The following PDE3B variants were observed in gnomAD, a reference collection of about 807,000 sequenced individuals.
PDE3B encodes the protein phosphodiesterase 3B.
A neutral mutation model predicts 116.8 loss-of-function variants in PDE3B; 66 were observed. The observed-to-expected ratio is 0.56, with a 90% confidence interval of 0.46 to 0.69. The LOEUF (loss-of-function observed/expected upper bound fraction) is 0.69. PDE3B is among the 30% of genes least tolerant of loss of function. PDE3B has a pLI of 0.00. For synonymous variants in PDE3B, 595 were observed against 533.6 expected, an observed-to-expected ratio of 1.12 and a Z score of -1.59; for missense variants, 1,384 against 1,368.1, an observed-to-expected ratio of 1.01 and a Z score of -0.18.
Position 14,830,766 on chromosome 11 carries a change from G to A in PDE3B, c.1876G>A (p.Glu626Lys), listed in dbSNP as rs1358945230. 1.3e-6 allele frequency: 2 copies of A among 1,542,598 alleles called. No individual in the cohort carries two copies. Among genetic ancestry groups the A allele is most frequent in the African/African-American group, 2.8e-5 (2 of 70,444 alleles). The change falls in exon 8 of 16, where the codon GAG becomes AAG. Residue 626 changes from glutamate to lysine, a missense_variant. Transcript: ENST00000282096. ...LMETQQEEET[E>K]KKDSRKLFQE... The stretch of plus-strand genomic sequence containing the variant: ...GGAAACTCAACAAGAAGAGGAAACA[G>A]AGAAGAAAGACAGCAGAAAATTATT...
At chr11:14,718,013 A>G (rs1231097495) in intron 1 of PDE3B, among the ~76,000 whole-genome samples, 1 of 150,074 alleles carries the variant, frequency 6.7e-6, no homozygotes, top group Non-Finnish European at 1.5e-5. Context: ...AGTGTGCTGT[A>G]TTCAGGAAAC....
Position 14,643,933 on chromosome 11 carries a change from C to A in PDE3B, c.-143C>A. 1 of 1,258,810 alleles carries A rather than the reference C, an allele frequency of 7.9e-7. No homozygotes were observed. Among genetic ancestry groups the A allele is most frequent in the South Asian group, 2.0e-5 (1 of 50,446 alleles). The allele number at this position is 1,258,810 out of a possible 1,614,324, so 78.0% of individuals were successfully genotyped here. On this transcript the variant is annotated 5_prime_UTR_variant, in exon 1 of 16. Transcript: ENST00000282096. ...CTCCTCAGTCCGCGCGGTGGGGACC[C>A]CGGGCCGTGGCGGCCGGCGCAGCCC...
intron 5 of PDE3B, among the ~76,000 whole-genome samples, chr11:14,811,075 G>T (rs1442300564): frequency 2.0e-5 from 3 of 152,152 alleles, no homozygotes; most frequent in African/African-American, 4.8e-5. Flanking sequence ...TTAGCCCTTT[G>T]TCAGATGAGT....
At chr11:14,723,686 A>G (rs1195052581) in intron 1 of PDE3B, among the ~76,000 whole-genome samples, 1 of 152,030 alleles carries the variant, frequency 6.6e-6, no homozygotes, top group Non-Finnish European at 1.5e-5. Context: ...GTTTGGGCCC[A>G]GGAGTTTAAG....
chr11:14,703,770 TTG>T (rs564139879), intron 1 of PDE3B, among the ~76,000 whole-genome samples: 11 of 149,218 alleles, frequency 7.4e-5, no homozygotes, highest in South Asian at 2.1e-4. Flanking sequence ...GCCCGGTTGT[TTG>T]TGTGTGTGTG....
At chr11:14,805,741 A>G (rs1858897535) in intron 5 of PDE3B, among the ~76,000 whole-genome samples, 1 of 152,244 alleles carries the variant, frequency 6.6e-6, no homozygotes, top group African/African-American at 2.4e-5. Context: ...AGATTGAAGC[A>G]TGGAACTACA....
chr11:14,712,399 G>C (rs1238981475), intron 1 of PDE3B, among the ~76,000 whole-genome samples: 1 of 150,328 alleles, frequency 6.7e-6, no homozygotes, highest in Non-Finnish European at 1.5e-5. Context: ...TTTCTTTTTT[G>C]AGGTGCGTTA....
intron 7 of PDE3B, among the ~76,000 whole-genome samples, chr11:14,828,935 A>C (rs1859788434): frequency 6.6e-6 from 1 of 152,238 alleles, no homozygotes; most frequent in Non-Finnish European, 1.5e-5. Context: ...GATAGATTGG[A>C]TAAAGAAAAT....
intron 1 of PDE3B, among the ~76,000 whole-genome samples, chr11:14,658,289 G>A (rs1239231227): frequency 1.3e-5 from 2 of 152,070 alleles, no homozygotes; most frequent in African/African-American, 2.4e-5. Flanking sequence ...CTCTCAACAC[G>A]ATAATAGAAA....
chr11:14,879,506 C>T, the PDE3B span: 3 of 1,317,054 alleles, frequency 2.3e-6, no homozygotes, highest in African/African-American at 4.4e-5. Flanking sequence ...AAGTTATTTC[C>T]CTCTGGAATA....
At chr11:14,879,188 A>G in the PDE3B span, 1 of 1,613,278 alleles carries the variant, frequency 6.2e-7, no homozygotes, top group Non-Finnish European at 8.5e-7. Context: ...AGGATGGAAC[A>G]CTTCTGGGTC....
intron 7 of PDE3B, among the ~76,000 whole-genome samples, chr11:14,825,831 A>T (rs2133957201): frequency 6.6e-6 from 1 of 152,304 alleles, no homozygotes; most frequent in South Asian, 2.1e-4. Context: ...CAGAATGTAC[A>T]TTTTTCTCAT....
chr11:14,657,942 GTAGA>G (rs1268579301), intron 1 of PDE3B, among the ~76,000 whole-genome samples: 6 of 152,118 alleles, frequency 3.9e-5, no homozygotes, highest in African/African-American at 1.4e-4. Flanking sequence ...GCTTGTATCA[GTAGA>G]TAGTTTTGCT....
At chr11:14,654,526 A>G (rs1288076927) in intron 1 of PDE3B, among the ~76,000 whole-genome samples, 1 of 152,196 alleles carries the variant, frequency 6.6e-6, no homozygotes, top group Non-Finnish European at 1.5e-5. Flanking sequence ...TTACCACTGA[A>G]AGTACATACT....
intron 2 of PDE3B, among the ~76,000 whole-genome samples, chr11:14,782,069 G>A (rs1441091606): frequency 6.6e-6 from 1 of 152,162 alleles, no homozygotes; most frequent in Non-Finnish European, 1.5e-5. Flanking sequence ...TGGCTTCAAA[G>A]AGAATAAAAT....
At chr11:14,857,024 T>G (rs975666125) in intron 12 of PDE3B, among the ~76,000 whole-genome samples, 4 of 152,202 alleles carry the variant, frequency 2.6e-5, no homozygotes, top group Non-Finnish European at 5.9e-5. Context: ...GTTTTCTCTT[T>G]TTGTTCTTAT....
Position 14,771,976 on chromosome 11 carries a change from C to A in PDE3B, c.1018C>A (p.Pro340Thr). 7.6e-7 allele frequency: 1 copy of A among 1,317,796 alleles called. No homozygotes were observed. Among genetic ancestry groups the A allele is most frequent in the Non-Finnish European group, 1.0e-6 (1 of 958,596 alleles). The allele number at this position is 1,317,796 out of a possible 1,614,324, so 81.6% of individuals were successfully genotyped here. Residue 340 changes from proline to threonine, a missense_variant, in exon 2 of 16, where the codon CCT becomes ACT. Around this residue, in one of 2 missense-constraint regions of PDE3B, gnomAD observed 956 missense variants for 806.8 expected, o/e 1.18. Transcript: ENST00000282096. ...WDWDLKQWYK[P>T]HYQNSGGGNG... ...TTGGGACTTAAAACAATGGTATAAG[C>A]CTCATTATCAAGTAAGTATAATTAA...
intron 13 of PDE3B, among the ~76,000 whole-genome samples, chr11:14,860,375 A>AT (rs563544584): frequency 6.2e-4 from 92 of 149,506 alleles, no homozygotes; most frequent in African/African-American, 1.5e-3. Flanking sequence ...CTACATATAT[A>AT]TTTTTTTTTT....
At chr11:14,860,399 G>C (rs1426974058) in intron 13 of PDE3B, among the ~76,000 whole-genome samples, 2 of 151,568 alleles carry the variant, frequency 1.3e-5, no homozygotes, top group African/African-American at 4.8e-5. Context: ...GAAAGAGTTT[G>C]GTGCCAAAAA....
Sources: allele counts gnomAD v4.1 joint callset (sites outside exome capture counted in the v4.1 genomes callset), GRCh38; gene constraint gnomAD v4.1.1; regional missense constraint gnomAD v4.1.1; transcripts MANE v1.5; gene names NCBI Gene and HGNC (gene_info 2026-07-23, HGNC 2026-07-21).